Variants in SPDYE10 observed in about 807,000 individuals in gnomAD.
SPDYE10 encodes speedy/RINGO cell cycle regulator family member E10, also known as speedy protein E10.
At chr7:73,150,948 A>ATATATTTTT in the SPDYE10 span, among the ~76,000 whole-genome samples, 4 of 4,940 alleles carry the variant, frequency 8.1e-4, no homozygotes, top group African/African-American at 3.6e-3. Flanking sequence ...ATATATATAT[A>ATATATTTTT]TTTTTTTTTT....
chr7:73,117,898 C>A, the SPDYE10 span, among the ~76,000 whole-genome samples: 1 of 133,254 alleles, frequency 7.5e-6, no homozygotes, highest in Non-Finnish European at 1.6e-5. Flanking sequence ...GCCTGTAATA[C>A]CAGCACTTTG....
At chr7:73,142,456 C>G in the SPDYE10 span, among the ~76,000 whole-genome samples, 1 of 151,670 alleles carries the variant, frequency 6.6e-6, no homozygotes. Context: ...CTCGAGCGAT[C>G]CTCCCACCTT....
the SPDYE10 span, among the ~76,000 whole-genome samples, chr7:73,111,317 A>G: frequency 1.3e-3 from 154 of 116,824 alleles, no homozygotes; most frequent in South Asian, 2.5e-3. Context: ...TCCCCTCCCC[A>G]TTCTTCCCTC....
At chr7:73,104,015 C>G in the SPDYE10 span, among the ~76,000 whole-genome samples, 1 of 147,744 alleles carries the variant, frequency 6.8e-6, no homozygotes, top group African/African-American at 2.5e-5. Context: ...TGATCACACT[C>G]ACTGTGAAGG....
chr7:73,137,975 G>T, the SPDYE10 span, among the ~76,000 whole-genome samples: 4 of 149,348 alleles, frequency 2.7e-5, no homozygotes, highest in African/African-American at 9.9e-5. Context: ...CAGGCTAACA[G>T]ACTCCAGATA....
At chr7:73,152,199 G>A in the SPDYE10 span, among the ~76,000 whole-genome samples, 1 of 136,654 alleles carries the variant, frequency 7.3e-6, no homozygotes, top group Admixed American at 7.2e-5. Flanking sequence ...ATTTTCAGTG[G>A]AGACGGGGTT....
the SPDYE10 span, among the ~76,000 whole-genome samples, chr7:73,143,524 A>C: frequency 1.3e-5 from 2 of 150,034 alleles, no homozygotes; most frequent in Non-Finnish European, 3.0e-5. Flanking sequence ...ATCTGCCCCC[A>C]TGACCCAAAC....
chr7:73,113,792 T>C, the SPDYE10 span, among the ~76,000 whole-genome samples: 1 of 151,872 alleles, frequency 6.6e-6, no homozygotes, highest in Admixed American at 6.5e-5. Context: ...TCCCAGCACT[T>C]TGGGAGGCCA....
At chr7:73,123,788 C>CTCTCTCTCTCTCT in the SPDYE10 span, among the ~76,000 whole-genome samples, 64 of 97,466 alleles carry the variant, frequency 6.6e-4, no homozygotes, top group Non-Finnish European at 6.9e-4. Context: ...TCTCTCTCTC[C>CTCTCTCTCTCTCT]CTCTCTCTCT....
chr7:73,123,552 C>T, the SPDYE10 span, among the ~76,000 whole-genome samples: 4 of 152,174 alleles, frequency 2.6e-5, no homozygotes, highest in Non-Finnish European at 5.9e-5. Flanking sequence ...CTGCAACCTC[C>T]GCCTCCCAGA....
chr7:73,126,909 G>GTTTTTTTT, the SPDYE10 span, among the ~76,000 whole-genome samples: 1 of 68,804 alleles, frequency 1.5e-5, no homozygotes, highest in Admixed American at 2.0e-4. Flanking sequence ...GTTGTTGGTG[G>GTTTTTTTT]TTTTTTTTTT....
At chr7:73,130,232 T>C in the SPDYE10 span, among the ~76,000 whole-genome samples, 2 of 150,694 alleles carry the variant, frequency 1.3e-5, no homozygotes, top group African/African-American at 2.5e-5. Flanking sequence ...GGTGGGCAGA[T>C]TGCTTGAGCC....
At chr7:73,143,080 C>T in the SPDYE10 span, among the ~76,000 whole-genome samples, 2 of 150,746 alleles carry the variant, frequency 1.3e-5, no homozygotes, top group African/African-American at 4.9e-5. Context: ...ACAGCCACAC[C>T]TTCTGCAGGA....
At chr7:73,123,786 T>TCTCTCTCTCTCTCC in the SPDYE10 span, among the ~76,000 whole-genome samples, 1 of 134,260 alleles carries the variant, frequency 7.4e-6, no homozygotes, top group Non-Finnish European at 1.6e-5. Context: ...TCTCTCTCTC[T>TCTCTCTCTCTCTCC]CCCTCTCTCT....
chr7:73,115,166 G>A, the SPDYE10 span, among the ~76,000 whole-genome samples: 1 of 152,134 alleles, frequency 6.6e-6, no homozygotes, highest in Non-Finnish European at 1.5e-5. Context: ...AAAGTGCTGG[G>A]ATTACAGGTG....
At chr7:73,147,207 A>G in the SPDYE10 span, among the ~76,000 whole-genome samples, 7 of 126,546 alleles carry the variant, frequency 5.5e-5, no homozygotes, top group African/African-American at 1.9e-4. Context: ...TCACTCTGTC[A>G]CCCAGGCTGG....
chr7:73,130,520 C>G, the SPDYE10 span, among the ~76,000 whole-genome samples: 1 of 152,298 alleles, frequency 6.6e-6, no homozygotes, highest in Non-Finnish European at 1.5e-5. Flanking sequence ...TGCAGTGGCA[C>G]AATCTTGGCT....
At chr7:73,127,582 G>C in the SPDYE10 span, among the ~76,000 whole-genome samples, 4 of 76,340 alleles carry the variant, frequency 5.2e-5, no homozygotes, top group African/African-American at 1.8e-4. Context: ...GGGAAGGGGA[G>C]GGGAGGGGAA....
the SPDYE10 span, among the ~76,000 whole-genome samples, chr7:73,134,528 A>AAAGC: frequency 6.2e-4 from 4 of 6,402 alleles, no homozygotes; most frequent in African/African-American, 2.9e-3. Flanking sequence ...AATAAAAAAG[A>AAAGC]AAGAAAGAAA....
Sources: gnomAD v4.1 joint callset for allele counts (sites outside exome capture counted in the v4.1 genomes callset) on GRCh38, gnomAD v4.1.1 for gene constraint, MANE v1.5 for transcripts, NCBI Gene and HGNC (gene_info 2026-07-23, HGNC 2026-07-21) for gene names.